Variants in TBC1D22A observed in about 807,000 individuals in gnomAD.
TBC1D22A encodes the protein putative GTPase activator.
In TBC1D22A, 38 loss-of-function variants were observed where a neutral mutation model predicts 60.2. The ratio of observed to expected loss-of-function variants is 0.63; its 90% CI spans 0.49 to 0.83. TBC1D22A has a LOEUF of 0.83. TBC1D22A is among the 40% of genes least tolerant of loss of function. The pLI, the probability that TBC1D22A is intolerant of heterozygous loss-of-function variation, is 0.00. For synonymous variants in TBC1D22A, 302 were observed against 281.7 expected (o/e 1.07, Z -0.72); for missense variants, 628 against 701.0 (o/e 0.90, Z 1.18).
intron 4 of TBC1D22A, among the ~76,000 whole-genome samples, chr22:46,800,460 T>C (rs528675540): frequency 1.6e-4 from 25 of 152,236 alleles, no homozygotes; most frequent in African/African-American, 5.8e-4. Context: ...CTGCTGGCTC[T>C]CCTGCCTCCA....
intron 4 of TBC1D22A, among the ~76,000 whole-genome samples, chr22:46,844,036 T>C (rs1229195147): frequency 1.3e-5 from 2 of 151,684 alleles, no homozygotes; most frequent in Non-Finnish European, 2.9e-5. Context: ...GGTCTCTGTC[T>C]TCTTGGCTGT....
intron 7 of TBC1D22A, among the ~76,000 whole-genome samples, chr22:46,903,312 A>G (rs1019029884): frequency 6.6e-6 from 1 of 152,140 alleles, no homozygotes; most frequent in African/African-American, 2.4e-5. Flanking sequence ...AGCAGAGCGA[A>G]GTTCAGCCTG....
At chr22:46,913,409 A>G (rs1216102334) in intron 8 of TBC1D22A, 12 of 1,366,432 alleles carry the variant, frequency 8.8e-6, no homozygotes, top group Admixed American at 1.9e-5. Context: ...CCGAGGACAG[A>G]TGAACAGATT....
At chr22:46,950,178 C>G (rs2072812466) in intron 8 of TBC1D22A, among the ~76,000 whole-genome samples, 1 of 152,102 alleles carries the variant, frequency 6.6e-6, no homozygotes, top group Non-Finnish European at 1.5e-5. Flanking sequence ...GGATTTGACT[C>G]TGGTTTGAAA....
Position 47,092,498 on chromosome 22 carries a change from GGCACCTT to G in TBC1D22A, c.1330-19006_1330-19000del, listed in dbSNP as rs2065016913. Among the ~76,000 whole-genome samples, 3 of 152,226 alleles carry G rather than the reference GGCACCTT, an allele frequency of 2.0e-5. No individual in the cohort carries two copies. The South Asian group carries it at 6.2e-4, about 32-fold the overall frequency. ...GAAACTGGAGTGGAGGGGCTTGGTG[GGCACCTT>G]GCATGCATGCCCTGGGAGCAGACTG... On this transcript the variant is annotated intron_variant, in intron 11 of 12. Coordinates refer to ENST00000337137, the MANE Select transcript of TBC1D22A (RefSeq NM_014346.5).
intron 11 of TBC1D22A, among the ~76,000 whole-genome samples, chr22:47,105,067 G>A (rs576106965): frequency 6.6e-6 from 1 of 152,108 alleles, no homozygotes; most frequent in African/African-American, 2.4e-5. Context: ...CCTGAGGGCT[G>A]TATCATCGGC....
intron 1 of TBC1D22A, among the ~76,000 whole-genome samples, chr22:46,768,419 A>C (rs968234773): frequency 7.6e-5 from 11 of 143,850 alleles, no homozygotes; most frequent in Non-Finnish European, 1.2e-4. Context: ...CAGGAGGCAG[A>C]GGTTGCAGTG....
At chr22:46,827,017 A>G (rs538414934) in intron 4 of TBC1D22A, among the ~76,000 whole-genome samples, 1 of 152,102 alleles carries the variant, frequency 6.6e-6, no homozygotes, top group Non-Finnish European at 1.5e-5. Flanking sequence ...GAAGCCATCA[A>G]CAGAGACTCT....
intron 5 of TBC1D22A, among the ~76,000 whole-genome samples, chr22:46,890,067 C>T (rs1338582005): frequency 1.3e-5 from 2 of 152,204 alleles, no homozygotes; most frequent in Non-Finnish European, 2.9e-5. Flanking sequence ...GAAAAAAAGG[C>T]CGGCACGGTG....
At chr22:46,798,424 G>C (rs994767314) in intron 4 of TBC1D22A, among the ~76,000 whole-genome samples, 3 of 152,228 alleles carry the variant, frequency 2.0e-5, no homozygotes, top group Non-Finnish European at 2.9e-5. Flanking sequence ...TGGGGCAGAG[G>C]GGCAGGCCCA....
At chr22:47,128,775 C>T (rs939231469) in intron 12 of TBC1D22A, among the ~76,000 whole-genome samples, 1 of 152,134 alleles carries the variant, frequency 6.6e-6, no homozygotes, top group South Asian at 2.1e-4. Context: ...CACGTGGACT[C>T]CGGGCAAGCA....
At chr22:46,858,686 G>A (rs4823574) in intron 4 of TBC1D22A, among the ~76,000 whole-genome samples, 50,289 of 152,128 alleles carry the variant, frequency 0.33, 8,355 homozygotes, top group African/African-American at 0.36. Flanking sequence ...ACGCTGGCGG[G>A]TGTGCTTCGA....
chr22:46,867,453 A>G (rs1183011602), intron 4 of TBC1D22A, among the ~76,000 whole-genome samples: 1 of 152,220 alleles, frequency 6.6e-6, no homozygotes, highest in Non-Finnish European at 1.5e-5. Flanking sequence ...TGTAAAAAAT[A>G]TACCTTCAAG....
chr22:47,056,244 A>C (rs532018553), intron 11 of TBC1D22A, among the ~76,000 whole-genome samples: 1 of 151,972 alleles, frequency 6.6e-6, no homozygotes, highest in East Asian at 1.9e-4. Flanking sequence ...CTTCCTCCGC[A>C]TGACCTGGGT....
intron 1 of TBC1D22A, among the ~76,000 whole-genome samples, chr22:46,782,806 C>T (rs1208267135): frequency 6.6e-6 from 1 of 152,220 alleles, no homozygotes; most frequent in Admixed American, 6.5e-5. Flanking sequence ...ACCAAGACTT[C>T]ATTCCCTTTA....
At position 47,105,675 on chromosome 22, in the gene TBC1D22A, A is replaced by ATT. The variant is rs1219938223; in HGVS notation, c.1330-5832_1330-5831dup. Among the ~76,000 whole-genome samples, 12 of 152,248 alleles carry ATT rather than the reference A, an allele frequency of 7.9e-5. 1 individual carries two copies. Among genetic ancestry groups the ATT allele is most frequent in the Admixed American group, 5.9e-4 (9 of 15,288 alleles). ...CATGTTACTTATTTGACCTAAAAAA[A>ATT]TTGCAAGCTAAAAATTTGGTTTAAT... On this transcript the variant is annotated intron_variant, in intron 11 of 12. Coordinates refer to ENST00000337137, the MANE Select transcript of TBC1D22A (RefSeq NM_014346.5).
chr22:46,920,141 G>A (rs530444513), intron 8 of TBC1D22A, among the ~76,000 whole-genome samples: 3 of 152,218 alleles, frequency 2.0e-5, no homozygotes, highest in Admixed American at 6.5e-5. Flanking sequence ...GTGCACTAAC[G>A]TTATCATAGT....
At chr22:47,035,684 C>T (rs2062631864) in intron 10 of TBC1D22A, among the ~76,000 whole-genome samples, 1 of 152,134 alleles carries the variant, frequency 6.6e-6, no homozygotes, top group Admixed American at 6.5e-5. Context: ...GACCAGCTCC[C>T]GCCACAGCAG....
At position 47,139,194 on chromosome 22, in the gene TBC1D22A, C is replaced by T. The variant is rs143088741; in HGVS notation, c.1425+27591C>T. On this transcript the variant is annotated intron_variant, in intron 12 of 12. Transcript: ENST00000337137. The stretch of plus-strand genomic sequence containing the variant: ...TGTTTATGTGCTTCAGTCACCGTTC[C>T]GCTCCTGCAGCGACCAGTCAGGCAC... 9.2e-5 allele frequency among the ~76,000 whole-genome samples: 14 copies of T among 152,316 alleles called. No homozygotes were observed. In the East Asian group the frequency reaches 2.3e-3, roughly 25 times the overall value.
Sources: allele counts gnomAD v4.1 joint callset (sites outside exome capture counted in the v4.1 genomes callset), GRCh38; gene constraint gnomAD v4.1.1; transcripts MANE v1.5; gene names NCBI Gene and HGNC (gene_info 2026-07-23, HGNC 2026-07-21).